TRIM44: variants seen among roughly 807,000 people sequenced by gnomAD.
TRIM44 encodes the protein tripartite motif-containing protein 44.
A neutral mutation model predicts 37.4 loss-of-function variants in TRIM44; 13 were observed. That is an observed-to-expected ratio of 0.35 (90% CI 0.23 to 0.55). The LOEUF is 0.55. Ranked by LOEUF, TRIM44 falls within the 20% of genes least tolerant of loss-of-function variation. The pLI, the probability that TRIM44 is intolerant of heterozygous loss-of-function variation, is 0.89. For missense variants in TRIM44, 426 were observed against 437.2 expected, an observed-to-expected ratio of 0.97 and a Z score of 0.23; for synonymous variants, 175 against 157.2, an observed-to-expected ratio of 1.11 and a Z score of -0.85.
At chr11:35,715,002 G>T (rs1474867041) in intron 2 of TRIM44, among the ~76,000 whole-genome samples, 1 of 152,166 alleles carries the variant, frequency 6.6e-6, no homozygotes, top group Non-Finnish European at 1.5e-5. Flanking sequence ...GTTTGTGATT[G>T]CTTTCTTTAT....
intron 2 of TRIM44, among the ~76,000 whole-genome samples, chr11:35,720,279 G>A (rs538882392): frequency 6.6e-6 from 1 of 152,126 alleles, no homozygotes; most frequent in Non-Finnish European, 1.5e-5. Context: ...TTCATTTTTG[G>A]AGGTGCTAAT....
intron 2 of TRIM44, among the ~76,000 whole-genome samples, chr11:35,714,796 A>T (rs1324013890): frequency 6.6e-6 from 1 of 152,164 alleles, no homozygotes; most frequent in East Asian, 1.9e-4. Context: ...CTTCTACACG[A>T]TAGTTCCCGA....
intron 4 of TRIM44, among the ~76,000 whole-genome samples, chr11:35,739,469 C>T (rs1488457159): frequency 6.6e-6 from 1 of 152,182 alleles, no homozygotes; most frequent in African/African-American, 2.4e-5. Flanking sequence ...CACACACAGT[C>T]CTCAGAATAT....
chr11:35,813,262 A>ATTTT lies in TRIM44; in HGVS notation c.*6877_*6878insTTTT, dbSNP rs1853546838. On this transcript the variant is annotated 3_prime_UTR_variant, in exon 5 of 5. Transcript: ENST00000299413. ...ACCTATCCCTATTTCCTGAACACAA[A>ATTTT]ATCTAAACCAGTGGTTTGACAATGA... 1 of 152,192 alleles carries ATTTT rather than the reference A, an allele frequency of 6.6e-6. No homozygotes were observed. The highest frequency in any genetic ancestry group is 2.4e-5 in the African/African-American group (1 of 41,450). The allele number at this position is 152,192 out of a possible 1,614,324, so 9.4% of individuals were successfully genotyped here. A position where few individuals can be genotyped will look rare whatever the true frequency, so the allele number is the denominator to read the frequency against.
chr11:35,745,439 GA>G (rs1329799650), intron 4 of TRIM44, among the ~76,000 whole-genome samples: 1 of 152,012 alleles, frequency 6.6e-6, no homozygotes, highest in Non-Finnish European at 1.5e-5. Context: ...GGATAGATTG[GA>G]AAAATTTTCT....
intron 1 of TRIM44, among the ~76,000 whole-genome samples, chr11:35,680,674 C>T (rs1273365857): frequency 6.6e-6 from 1 of 152,074 alleles, no homozygotes; most frequent in Non-Finnish European, 1.5e-5. Context: ...TAGTCTTCCT[C>T]AAGAGGAAAG....
rs1853548809 is a variant in TRIM44 at position 35,813,458 on chromosome 11, A to G, written c.*7073A>G. On this transcript the variant is annotated 3_prime_UTR_variant, in exon 5 of 5. Coordinates refer to ENST00000299413, the MANE Select transcript of TRIM44 (RefSeq NM_017583.6). ...GTCATCAGGCACCTCCTCAGAACCT[A>G]TTTGCTCTTCCTTCACACATATTTC... 6.6e-6 allele frequency: 1 copy of G among 152,188 alleles called. No homozygotes were observed. The allele number at this position is 152,188 out of a possible 1,614,324, so 9.4% of individuals were successfully genotyped here.
At chr11:35,743,885 A>G (rs530432581) in intron 4 of TRIM44, among the ~76,000 whole-genome samples, 1 of 152,334 alleles carries the variant, frequency 6.6e-6, no homozygotes, top group East Asian at 1.9e-4. Flanking sequence ...GCCTAATTCC[A>G]TCTGCCAAAA....
intron 1 of TRIM44, among the ~76,000 whole-genome samples, chr11:35,679,087 A>G (rs1288744696): frequency 1.3e-5 from 2 of 152,104 alleles, no homozygotes; most frequent in East Asian, 3.9e-4. Flanking sequence ...TGAATTCAAC[A>G]TCTTCTGATT....
Position 35,816,752 on chromosome 11 carries a change from C to G in TRIM44, c.*10367C>G, listed in dbSNP as rs1428007555. 4.6e-5 allele frequency: 7 copies of G among 152,142 alleles called. No individual in the cohort carries two copies. The highest frequency in any genetic ancestry group is 1.4e-4 in the African/African-American group (6 of 41,430). The allele number at this position is 152,142 out of a possible 1,614,324, so 9.4% of individuals were successfully genotyped here. On this transcript the variant is annotated 3_prime_UTR_variant, in exon 5 of 5. Transcript: ENST00000299413. ...GTACTGGCTTTGTTCTTTACTAACTCTGAACAATTAAATGAGCAGATGGTC... is the reference window on the plus strand; with the variant it reads ...GTACTGGCTTTGTTCTTTACTAACTGTGAACAATTAAATGAGCAGATGGTC...
intron 4 of TRIM44, among the ~76,000 whole-genome samples, chr11:35,763,383 A>G (rs1852753168): frequency 6.6e-6 from 1 of 152,188 alleles, no homozygotes; most frequent in Non-Finnish European, 1.5e-5. Flanking sequence ...GAACAAGGAT[A>G]CAGGGAAATG....
At chr11:35,782,171 T>C (rs1294170936) in intron 4 of TRIM44, among the ~76,000 whole-genome samples, 2 of 152,156 alleles carry the variant, frequency 1.3e-5, no homozygotes, top group Admixed American at 6.5e-5. Flanking sequence ...GTTTATGGAG[T>C]ACTTTGTGAA....
At chr11:35,789,128 C>T (rs1225451416) in intron 4 of TRIM44, among the ~76,000 whole-genome samples, 3 of 152,148 alleles carry the variant, frequency 2.0e-5, no homozygotes, top group Non-Finnish European at 4.4e-5. Flanking sequence ...CATTCCCCTC[C>T]TCCTACCTGT....
rs570534021 is a variant in TRIM44, at chr11:35,778,989, A to G, written c.1008-27369A>G. ...CTCTTCAAAGCTGTCAGACAGGGACACTTAAGTCTGCTTGTTTCTGCTGCC... is the reference window on the plus strand; with the variant it reads ...CTCTTCAAAGCTGTCAGACAGGGACGCTTAAGTCTGCTTGTTTCTGCTGCC... On this transcript the variant is annotated intron_variant, in intron 4 of 4. Transcript: ENST00000299413. Among the ~76,000 whole-genome samples the G allele has an allele frequency of 1.6e-3, 247 of 152,322 alleles. 2 individuals are homozygous for G. The highest frequency in any genetic ancestry group is 5.7e-3 in the African/African-American group (236 of 41,578).
rs1482679434 is a variant in TRIM44, at chr11:35,809,427, T to C, written c.*3042T>C. ...CCCAATTTATGAATCTTCTTCAAAA[T>C]GACATTTCACAGTTATAGTTAGGGC... is the stretch of plus-strand genomic sequence containing the variant. On this transcript the variant is annotated 3_prime_UTR_variant, in exon 5 of 5. Transcript: ENST00000299413. 1.3e-5 allele frequency: 2 copies of C among 152,222 alleles called. No individual in the cohort carries two copies. Among genetic ancestry groups the C allele is most frequent in the African/African-American group, 4.8e-5 (2 of 41,460 alleles). 9.4% of individuals were successfully genotyped at this position (152,222 alleles called of 1,614,324 possible).
intron 1 of TRIM44, among the ~76,000 whole-genome samples, chr11:35,677,456 A>G (rs1851471024): frequency 6.6e-6 from 1 of 151,824 alleles, no homozygotes; most frequent in Non-Finnish European, 1.5e-5. Context: ...CTAGGTCAAT[A>G]CCTGATACTT....
chr11:35,725,802 A>G (rs928530356), intron 2 of TRIM44, 122 bp from the exon 3 acceptor site: 5 of 1,092,882 alleles, frequency 4.6e-6, no homozygotes, highest in Non-Finnish European at 6.4e-6. Flanking sequence ...GGATATTCCC[A>G]AAACTTTAGG....
intron 2 of TRIM44, among the ~76,000 whole-genome samples, chr11:35,701,733 G>A (rs560710516): frequency 3.9e-5 from 6 of 152,244 alleles, no homozygotes; most frequent in Middle Eastern, 6.8e-3. Flanking sequence ...ACAGAAAGAC[G>A]CAAAGCATAC....
chr11:35,731,156 T>A (rs1304064455), intron 3 of TRIM44, among the ~76,000 whole-genome samples: 1 of 152,208 alleles, frequency 6.6e-6, no homozygotes, highest in African/African-American at 2.4e-5. Flanking sequence ...AAAGTGGACA[T>A]CCTTGCCTTG....
Sources: gnomAD v4.1 joint callset for allele counts (sites outside exome capture counted in the v4.1 genomes callset) on GRCh38, gnomAD v4.1.1 for gene constraint, MANE v1.5 for transcripts, NCBI Gene and HGNC (gene_info 2026-07-23, HGNC 2026-07-21) for gene names.